AGBL4: variants seen among roughly 807,000 people sequenced by gnomAD.
AGBL4 encodes the protein cytosolic carboxypeptidase 6.
AGBL4 carries 58 observed loss-of-function variants against 66.4 expected under a neutral mutation model. The observed-to-expected ratio is 0.87, with a 90% CI of 0.71 to 1.09. The LOEUF (loss-of-function observed/expected upper bound fraction) is 1.09. Among genes scored for constraint, AGBL4 ranks in the 50% least tolerant of loss-of-function variants. AGBL4 has a pLI of 0.00. For synonymous variants in AGBL4, 234 were observed against 222.9 expected, an observed-to-expected ratio of 1.05 and a Z score of -0.44; for missense variants, 579 against 631.0, an observed-to-expected ratio of 0.92 and a Z score of 0.88.
intron 6 of AGBL4, among the ~76,000 whole-genome samples, chr1:48,710,616 A>G (rs150917882): frequency 5.8e-4 from 88 of 152,278 alleles, no homozygotes; most frequent in African/African-American, 2.0e-3. Context: ...GTTAGACTGG[A>G]TTTAAGGGTC....
At chr1:49,545,694 T>C (rs557333359) in intron 3 of AGBL4, among the ~76,000 whole-genome samples, 3 of 152,150 alleles carry the variant, frequency 2.0e-5, no homozygotes, top group Non-Finnish European at 4.4e-5. Context: ...TGTAAAATTT[T>C]AGCACAGTTC....
chr1:49,261,497 C>A (rs1161058492), intron 3 of AGBL4, among the ~76,000 whole-genome samples: 1 of 149,564 alleles, frequency 6.7e-6, no homozygotes, highest in Non-Finnish European at 1.5e-5. Context: ...AAATCACAAG[C>A]ATTCTTATAC....
At chr1:49,778,532 G>A (rs1471163072) in intron 2 of AGBL4, among the ~76,000 whole-genome samples, 5 of 152,136 alleles carry the variant, frequency 3.3e-5, no homozygotes. Context: ...GCAATAAAGA[G>A]GGAGTTAAGA....
At chr1:49,942,482 T>C (rs955475406) in intron 1 of AGBL4, among the ~76,000 whole-genome samples, 3 of 152,112 alleles carry the variant, frequency 2.0e-5, no homozygotes, top group South Asian at 2.1e-4. Context: ...AGCATAAAAA[T>C]AGACATATAG....
intron 4 of AGBL4, among the ~76,000 whole-genome samples, chr1:49,120,939 C>CTA (rs35616141): frequency 0.1 from 15,820 of 152,046 alleles, 1,334 homozygotes; most frequent in African/African-American, 0.23. Flanking sequence ...TGCCTTCTTG[C>CTA]TTTATTTCAT....
At chr1:49,302,028 G>A (rs750284180) in intron 3 of AGBL4, among the ~76,000 whole-genome samples, 2 of 152,000 alleles carry the variant, frequency 1.3e-5, no homozygotes, top group African/African-American at 4.8e-5. Flanking sequence ...TTAGTGATTG[G>A]TTTTTTCTGT....
At chr1:49,830,745 T>A (rs1645648995) in intron 2 of AGBL4, among the ~76,000 whole-genome samples, 1 of 152,222 alleles carries the variant, frequency 6.6e-6, no homozygotes, top group Non-Finnish European at 1.5e-5. Flanking sequence ...TTTTAGGTCT[T>A]ACATTTAAGT....
At chr1:49,937,597 A>T (rs1021236581) in intron 1 of AGBL4, among the ~76,000 whole-genome samples, 4 of 152,070 alleles carry the variant, frequency 2.6e-5, no homozygotes, top group African/African-American at 7.2e-5. Context: ...GAAGTAAAGC[A>T]CTCCTCAGCA....
At chr1:49,617,201 C>T (rs748320819) in intron 3 of AGBL4, among the ~76,000 whole-genome samples, 4 of 152,136 alleles carry the variant, frequency 2.6e-5, no homozygotes, top group African/African-American at 9.7e-5. Context: ...CCTTGCTTTC[C>T]TAAAATACGT....
chr1:48,644,806 T>C (rs376210271), intron 8 of AGBL4, among the ~76,000 whole-genome samples: 1 of 152,144 alleles, frequency 6.6e-6, no homozygotes, highest in African/African-American at 2.4e-5. Flanking sequence ...TGAGGGTCAA[T>C]GGGGAGCCGC....
intron 4 of AGBL4, among the ~76,000 whole-genome samples, chr1:49,230,062 C>T (rs1024615373): frequency 9.2e-5 from 14 of 152,322 alleles, no homozygotes; most frequent in Middle Eastern, 6.8e-3. Flanking sequence ...TGTCTTCACA[C>T]CTGGGTCTGT....
At chr1:49,700,438 C>G (rs886654094) in intron 2 of AGBL4, among the ~76,000 whole-genome samples, 3 of 151,808 alleles carry the variant, frequency 2.0e-5, no homozygotes, top group Non-Finnish European at 2.9e-5. Context: ...ACCAATATCC[C>G]TTACTGTAAA....
At chr1:49,377,943 A>G (rs1043235726) in intron 3 of AGBL4, among the ~76,000 whole-genome samples, 5 of 152,078 alleles carry the variant, frequency 3.3e-5, no homozygotes, top group African/African-American at 9.7e-5. Flanking sequence ...ACACATAAAA[A>G]TGTAAGATAT....
intron 9 of AGBL4, among the ~76,000 whole-genome samples, chr1:48,614,784 TACAA>T (rs780792968): frequency 2.0e-5 from 3 of 152,016 alleles, no homozygotes; most frequent in Non-Finnish European, 4.4e-5. Context: ...ACAAGAGACA[TACAA>T]ACAAAGTATG....
intron 2 of AGBL4, among the ~76,000 whole-genome samples, chr1:49,784,974 C>T (rs1364296242): frequency 3.3e-5 from 5 of 152,028 alleles, no homozygotes; most frequent in Non-Finnish European, 7.4e-5. Context: ...AGTTTACTTA[C>T]TCATAAAACA....
chr1:49,723,696 T>A (rs1001038541), intron 2 of AGBL4, among the ~76,000 whole-genome samples: 3 of 152,132 alleles, frequency 2.0e-5, no homozygotes, highest in African/African-American at 7.2e-5. Flanking sequence ...TCTTTTCTTA[T>A]CACTTTCTTT....
intron 3 of AGBL4, among the ~76,000 whole-genome samples, chr1:49,453,838 A>G (rs774050927): frequency 2.0e-5 from 3 of 151,820 alleles, no homozygotes; most frequent in Non-Finnish European, 2.9e-5. Context: ...TTTTTCCAAT[A>G]TTATAAAATA....
intron 1 of AGBL4, among the ~76,000 whole-genome samples, chr1:49,898,712 C>T (rs372845688): frequency 7.9e-5 from 12 of 152,206 alleles, no homozygotes; most frequent in African/African-American, 2.9e-4. Context: ...TTGGAAGCAA[C>T]TCAAGTGCCT....
At chr1:49,225,061 T>C (rs934115826) in intron 4 of AGBL4, among the ~76,000 whole-genome samples, 4 of 152,170 alleles carry the variant, frequency 2.6e-5, no homozygotes, top group African/African-American at 9.7e-5. Flanking sequence ...GCCAATATGA[T>C]AACAACGGAA....
Sources: allele counts gnomAD v4.1 joint callset (sites outside exome capture counted in the v4.1 genomes callset), GRCh38; gene constraint gnomAD v4.1.1; transcripts MANE v1.5; gene names NCBI Gene and HGNC (gene_info 2026-07-23, HGNC 2026-07-21).